The following KRT80 variants were observed in gnomAD, a reference collection of about 807,000 sequenced individuals.
KRT80 encodes the protein keratin, type II cytoskeletal 80.
In KRT80, 36 loss-of-function variants were observed where a neutral mutation model predicts 51.5. The ratio of observed to expected loss-of-function variants is 0.70; its 90% CI spans 0.54 to 0.92. The LOEUF is 0.92. KRT80 is among the 40% of genes least tolerant of loss of function. KRT80 has a pLI of 0.00. For missense variants in KRT80, 566 were observed against 591.7 expected (o/e 0.96, Z 0.45); for synonymous variants, 235 against 248.3 (o/e 0.95, Z 0.50).
chr12:52,182,268 G>A (rs554162627), intron 2 of KRT80, among the ~76,000 whole-genome samples: 1 of 152,286 alleles, frequency 6.6e-6, no homozygotes, highest in Admixed American at 6.5e-5. Context: ...GGAATAACAG[G>A]TGCTGAGTGC....
At position 52,185,435 on chromosome 12, in the gene KRT80, C is replaced by G; in HGVS notation, c.453G>C (p.Gly151=). 1 of 1,614,010 alleles carries G rather than the reference C, an allele frequency of 6.2e-7. No homozygotes were observed. The highest frequency in any genetic ancestry group is 1.3e-5 in the African/African-American group (1 of 75,036). The change falls in exon 2 of 9, where the codon GGG becomes GGC. Residue 151 remains glycine, a synonymous_variant. Transcript: ENST00000394815. The stretch of plus-strand genomic sequence containing the variant: ...CCTGCAGCAGGTTGGCCTCCAGCTG[C>G]CCCCGCTCCTGGCTCACTTTGCGCA... ...EELRKVSQER[G]QLEANLLQVL...
rs1326080836 is a variant in KRT80, at chr12:52,171,703, G to A, written c.1189C>T (p.Pro397Ser). Reference sequence around the variant, plus strand: ...ACAGCGCTGACCACAGTGGCTGAGGGCGAGTCCATCCTGGGGGTGGGGGAC... The same window carrying A: ...ACAGCGCTGACCACAGTGGCTGAGGACGAGTCCATCCTGGGGGTGGGGGAC... ...VEGEEGRMDS[P>S]SATVVSAVQS... is the part of the protein sequence containing the mutation. Residue 397 changes from proline to serine, a missense_variant, in exon 8 of 9, where the codon CCC becomes TCC. Transcript: ENST00000394815. The A allele has an allele frequency of 6.4e-7, 1 of 1,556,522 alleles. No individual in the cohort carries two copies. The highest frequency in any genetic ancestry group is 8.7e-7 in the Non-Finnish European group (1 of 1,147,798).
intron 6 of KRT80, 128 bp from the exon 7 acceptor site, chr12:52,172,546 G>T: frequency 1.2e-6 from 1 of 805,466 alleles, no homozygotes; most frequent in Non-Finnish European, 1.9e-6. Context: ...TGGCATTTCT[G>T]GGTGTGGTAA....
At chr12:52,172,797 G>A (rs994668758) in intron 6 of KRT80, among the ~76,000 whole-genome samples, 3 of 152,122 alleles carry the variant, frequency 2.0e-5, no homozygotes, top group Non-Finnish European at 4.4e-5. Context: ...GTAGTGTGGG[G>A]GCTTTCTAAC....
Position 52,180,599 on chromosome 12 carries a change from C to T in KRT80, c.580G>A (p.Ala194Thr). 2 of 1,508,806 alleles carry T rather than the reference C, an allele frequency of 1.3e-6. No individual in the cohort carries two copies. The highest frequency in any genetic ancestry group is 1.8e-6 in the Non-Finnish European group (2 of 1,129,830). 93.5% of individuals were successfully genotyped at this position (1,508,806 alleles called of 1,614,324 possible). A position where few individuals can be genotyped will look rare whatever the true frequency, so the allele number is the denominator to read the frequency against. The change falls in exon 4 of 9, where the codon GCA becomes ACA. Residue 194 changes from alanine (A) to threonine (T), a missense_variant. Physicochemically the swap from Ala to Thr is moderately conservative, Grantham distance 58 (BLOSUM62 0). Coordinates refer to ENST00000394815, the MANE Select transcript of KRT80 (RefSeq NM_182507.3). ...AGTTCAGTCCGATGAAGACACTCTG[C>T]ATCCAGGTCCTGGGGTTGGCAGCAG... ...TFVQLKKDLD[A>T]ECLHRTELET...
chr12:52,182,530 G>T (rs572598660), intron 2 of KRT80, among the ~76,000 whole-genome samples: 2 of 152,204 alleles, frequency 1.3e-5, no homozygotes, highest in Admixed American at 1.3e-4. Flanking sequence ...TTAAATGGGG[G>T]CAATTCACAG....
intron 1 of KRT80, among the ~76,000 whole-genome samples, chr12:52,189,593 GCTTCCATGTGGGCCCTCACAGCCTCCA>G (rs1325351537): frequency 6.6e-6 from 1 of 152,164 alleles, no homozygotes; most frequent in African/African-American, 2.4e-5. Context: ...ACCACTTCCT[GCTTCCATGTGGGCCCTCACAGCCTCCA>G]CAAGGAGGCA....
chr12:52,185,634 G>T (rs1167453632), intron 1 of KRT80, 47 bp from the exon 2 acceptor site: 1 of 1,582,958 alleles, frequency 6.3e-7, no homozygotes, highest in South Asian at 1.1e-5. Flanking sequence ...GGACCAGTCG[G>T]GGGCTGAGGC....
chr12:52,171,436 CT>C lies in KRT80; in HGVS notation c.1320del (p.Glu441ArgfsTer102). ...KGPVIKITEM[S>X]EKYFSQESEV... is the part of the protein sequence containing the mutation. ...TCCGACTCCTGCGAGAAGTACTTCT[CT>C]GACATTTCGGTGATTTTGATCACGG... On this transcript the variant is annotated frameshift_variant, in exon 9 of 9. Transcript: ENST00000394815. LOFTEE classifies it high-confidence loss of function. 1 of 1,611,858 alleles carries C rather than the reference CT, an allele frequency of 6.2e-7. No individual in the cohort carries two copies. Among genetic ancestry groups the C allele is most frequent in the African/African-American group, 1.3e-5 (1 of 74,922 alleles).
chr12:52,185,745 T>C (rs771389329), intron 1 of KRT80, 158 bp from the exon 2 acceptor site: 8 of 1,431,544 alleles, frequency 5.6e-6, no homozygotes, highest in Non-Finnish European at 1.9e-6. Flanking sequence ...GCACCTCCAA[T>C]GACTGATTGT....
chr12:52,186,703 G>T (rs1941412615), intron 1 of KRT80, among the ~76,000 whole-genome samples: 1 of 152,208 alleles, frequency 6.6e-6, no homozygotes, highest in African/African-American at 2.4e-5. Flanking sequence ...TCATGGGCTG[G>T]CTTCTGCCTC....
rs766002933 is a variant in KRT80 at position 52,185,569 on chromosome 12, G to A, written c.319C>T (p.Arg107Cys). ...CAGCGTGTCTCCAGCAGCTGGTTGC[G>A]CTGTTCCAGGGCTTGCACCTGGGAG... ...LIGKVQALEQ[R>C]NQLLETRWSF... Residue 107 changes from arginine (R) to cysteine (C), a missense_variant, in exon 2 of 9, where the codon CGC becomes TGC. Coordinates refer to ENST00000394815, the MANE Select transcript of KRT80 (RefSeq NM_182507.3). 2.3e-5 allele frequency: 37 copies of A among 1,609,458 alleles called. No individual in the cohort carries two copies. The highest frequency in any genetic ancestry group is 6.7e-5 in the Admixed American group (4 of 60,008).
At chr12:52,182,843 C>T (rs2120919903) in intron 2 of KRT80, among the ~76,000 whole-genome samples, 1 of 152,292 alleles carries the variant, frequency 6.6e-6, no homozygotes. Flanking sequence ...AAGCCCTGAG[C>T]CCCAGGGGAG....
intron 4 of KRT80, among the ~76,000 whole-genome samples, chr12:52,179,201 G>T (rs1007238171): frequency 1.3e-5 from 2 of 152,250 alleles, no homozygotes; most frequent in Non-Finnish European, 2.9e-5. Flanking sequence ...GTATGAGTGG[G>T]TGGAGGCCTA....
intron 2 of KRT80, among the ~76,000 whole-genome samples, chr12:52,183,794 A>G (rs1941361148): frequency 3.3e-5 from 5 of 152,154 alleles, no homozygotes; most frequent in Admixed American, 2.0e-4. Context: ...GATGGGACTT[A>G]GCATGCAAGG....
chr12:52,178,113 G>A (rs1941262316), intron 4 of KRT80, among the ~76,000 whole-genome samples: 1 of 152,164 alleles, frequency 6.6e-6, no homozygotes, highest in Non-Finnish European at 1.5e-5. Flanking sequence ...TGTATGGAGA[G>A]AAAGGCAAAC....
At position 52,171,900 on chromosome 12, in the gene KRT80, A is replaced by C. The variant is rs570923387; in HGVS notation, c.1179-187T>G. Among the ~76,000 whole-genome samples the C allele has an allele frequency of 2.6e-5, 4 of 151,978 alleles. No homozygotes were observed. The East Asian group carries it at 5.8e-4, about 22-fold the overall frequency. ...CTTCCTGGGCCTCTGTCCCATCTCC[A>C]TGGCATAAATGGCTAATAGCATTGA... On this transcript the variant is annotated intron_variant, in intron 7 of 8. Transcript: ENST00000394815.
chr12:52,183,551 C>T (rs912094460), intron 2 of KRT80, among the ~76,000 whole-genome samples: 5 of 152,154 alleles, frequency 3.3e-5, no homozygotes, highest in African/African-American at 1.2e-4. Context: ...CCAGTCTCTC[C>T]TTCCCAACTC....
Position 52,172,296 on chromosome 12 carries a change from C to T in KRT80, c.1080G>A (p.Ala360=), listed in dbSNP as rs760312908. The T allele has an allele frequency of 1.9e-5, 30 of 1,613,872 alleles. No homozygotes were observed. Among genetic ancestry groups the T allele is most frequent in the East Asian group, 4.5e-5 (2 of 44,886 alleles). The part of the protein sequence containing the change: ...AALQQAKQDM[A]RQLRKYQELM... ...GCTCCTGGTACTTGCGCAGCTGCCG[C>T]GCCATGTCCTGCTTGGCCTGCTGCA... The change falls in exon 7 of 9, where the codon GCG becomes GCA. Residue 360 remains alanine (A), a synonymous_variant. Coordinates refer to ENST00000394815, the MANE Select transcript of KRT80 (RefSeq NM_182507.3).
Sources: gnomAD v4.1 joint callset for allele counts (sites outside exome capture counted in the v4.1 genomes callset) on GRCh38, gnomAD v4.1.1 for gene constraint, MANE v1.5 for transcripts, NCBI Gene and HGNC (gene_info 2026-07-23, HGNC 2026-07-21) for gene names.